The following ZNF577 variants were observed in gnomAD, a reference collection of about 807,000 sequenced individuals.
ZNF577 encodes the protein zinc finger protein 577.
A neutral mutation model predicts 13.9 loss-of-function variants in ZNF577; 14 were observed. The ratio of observed to expected loss-of-function variants is 1.00; its 90% CI spans 0.66 to 1.57. The LOEUF (loss-of-function observed/expected upper bound fraction) is 1.57, where lower values mean the gene tolerates loss of function less well. ZNF577 is among the 40% of genes most tolerant of loss of function. The pLI is 0.00. For synonymous variants in ZNF577, 203 were observed against 202.9 expected, an observed-to-expected ratio of 1.00 and a Z score of 0.00; for missense variants, 555 against 579.2, an observed-to-expected ratio of 0.96 and a Z score of 0.43.
chr19:51,823,695 G>C, intron 9 of ZNF577: 4 of 1,411,716 alleles, frequency 2.8e-6, no homozygotes, highest in Non-Finnish European at 3.9e-6. Flanking sequence ...TGTATTGTAA[G>C]ATGGTGTCAC....
chr19:51,838,514 A>G (rs2084300888), intron 9 of ZNF577, among the ~76,000 whole-genome samples: 1 of 149,266 alleles, frequency 6.7e-6, no homozygotes, highest in Non-Finnish European at 1.5e-5. Flanking sequence ...TAAAATAGCC[A>G]TTCTCCCTGG....
intron 9 of ZNF577, among the ~76,000 whole-genome samples, chr19:51,830,135 TAA>T (rs11299540): frequency 0.39 from 56,876 of 145,660 alleles, 11,214 homozygotes; most frequent in East Asian, 0.61. Context: ...TTCTAGTGTT[TAA>T]AAAAAAAAAA....
At chr19:51,833,226 A>T (rs554025492) in intron 9 of ZNF577, among the ~76,000 whole-genome samples, 11 of 151,478 alleles carry the variant, frequency 7.3e-5, no homozygotes, top group Non-Finnish European at 1.0e-4. Flanking sequence ...TTCCCCTCCT[A>T]CTCTGTGGCC....
chr19:51,810,687 GCA>G (rs2084090336), intron 10 of ZNF577, among the ~76,000 whole-genome samples: 1 of 152,158 alleles, frequency 6.6e-6, no homozygotes, highest in African/African-American at 2.4e-5. Context: ...AAGCAAGTTC[GCA>G]TCAAGTGTCT....
intron 5 of ZNF577, chr19:51,856,039 A>T (rs1405925400): frequency 6.6e-6 from 1 of 152,038 alleles, no homozygotes; most frequent in Non-Finnish European, 1.5e-5. Flanking sequence ...GAGGTTCAAA[A>T]TTTTTTTCTT....
intron 9 of ZNF577, among the ~76,000 whole-genome samples, chr19:51,833,316 C>T (rs1001253065): frequency 2.0e-5 from 3 of 152,136 alleles, no homozygotes; most frequent in African/African-American, 7.2e-5. Context: ...GATTACAATG[C>T]TATACTACCT....
At chr19:51,876,581 C>T (rs893081803) in intron 5 of ZNF577, among the ~76,000 whole-genome samples, 1 of 151,962 alleles carries the variant, frequency 6.6e-6, no homozygotes, top group Non-Finnish European at 1.5e-5. Flanking sequence ...TGAAGGAAAT[C>T]AGGCCTTTCC....
At chr19:51,886,695 C>T (rs186751060) in intron 1 of ZNF577, 126 bp downstream of exon 1, 60 of 152,208 alleles carry the variant, frequency 3.9e-4, no homozygotes, top group Admixed American at 1.0e-3. Context: ...TACTACGTAC[C>T]TAGTACTACA....
At chr19:51,857,369 A>AGAAAGAAAGAAG (rs1568442109) in intron 5 of ZNF577, among the ~76,000 whole-genome samples, 1 of 61,710 alleles carries the variant, frequency 1.6e-5, no homozygotes, top group African/African-American at 8.1e-5. Flanking sequence ...AAGGAAGGAA[A>AGAAAGAAAGAAG]GAAAGAAAGA....
In ZNF577 at chr19:51,824,800, A is replaced by T; in HGVS notation, c.*600-13126T>A. 6.2e-7 allele frequency: 1 copy of T among 1,608,444 alleles called. No individual in the cohort carries two copies. Among genetic ancestry groups the T allele is most frequent in the African/African-American group, 1.3e-5 (1 of 74,874 alleles). On this transcript the variant is annotated intron_variant and NMD_transcript_variant, in intron 9 of 10. Transcript: ENST00000638827. The surrounding 1 kb of genome is among the most constrained non-coding windows in gnomAD (Gnocchi z 4.7). Reference sequence around the variant, plus strand: ...TCACCTCCTGAGGAGACGGAGTTACAAGCAATGTGAGGTCGGGGATATTTT... The same window carrying T: ...TCACCTCCTGAGGAGACGGAGTTACTAGCAATGTGAGGTCGGGGATATTTT...
chr19:51,850,057 G>C (rs1011844508), intron 5 of ZNF577, among the ~76,000 whole-genome samples: 2 of 152,232 alleles, frequency 1.3e-5, no homozygotes, highest in African/African-American at 2.4e-5. Context: ...GATGGGGAGA[G>C]AAGGGTTGAC....
Position 51,867,742 on chromosome 19 carries a change from G to A in ZNF577, c.*4790C>T, listed in dbSNP as rs998835564. Among the ~76,000 whole-genome samples the A allele has an allele frequency of 1.3e-5, 2 of 151,988 alleles. No individual in the cohort carries two copies. Among genetic ancestry groups the A allele is most frequent in the Non-Finnish European group, 2.9e-5 (2 of 68,006 alleles). On this transcript the variant is annotated 3_prime_UTR_variant, in exon 6 of 6. Transcript: ENST00000638348. Reference sequence around the variant, plus strand: ...GGAGGTTGCAGTGACCCACGATTACGCCACTGCACTCCAGCCTGGGCAAAA... The same window carrying A: ...GGAGGTTGCAGTGACCCACGATTACACCACTGCACTCCAGCCTGGGCAAAA...
At chr19:51,865,868 G>A (rs987501440), downstream of ZNF577, among the ~76,000 whole-genome samples, 1 of 152,172 alleles carries the variant, frequency 6.6e-6, no homozygotes, top group African/African-American at 2.4e-5. Flanking sequence ...TGTAATCCCA[G>A]CACTTTGGGA....
intron 5 of ZNF577, among the ~76,000 whole-genome samples, chr19:51,854,796 T>G (rs2084401650): frequency 6.6e-6 from 1 of 152,140 alleles, no homozygotes; most frequent in Admixed American, 6.5e-5. Context: ...AAGTATACCA[T>G]ATGTTTCTAA....
At position 51,823,796 on chromosome 19, in the gene ZNF577, C is replaced by A. The variant is rs763361125; in HGVS notation, c.*600-12122G>T. ...CTCTGAATGAAACTGAGGAGGTGCT[C>A]CCTGAGCCTGCTGGCCACACCGTTC... On this transcript the variant is annotated intron_variant and NMD_transcript_variant, in intron 9 of 10. Transcript: ENST00000638827. 3.1e-6 allele frequency: 5 copies of A among 1,612,256 alleles called. No individual in the cohort carries two copies. The South Asian group carries it at 5.5e-5, about 18-fold the overall frequency.
Position 51,872,961 on chromosome 19 carries a change from C to T in ZNF577, c.1029G>A (p.Gln343=), listed in dbSNP as rs1453238342. 1.2e-6 allele frequency: 2 copies of T among 1,614,066 alleles called. No individual in the cohort carries two copies. The highest frequency in any genetic ancestry group is 1.7e-6 in the Non-Finnish European group (2 of 1,180,048). ...KAFRSKSKLI[Q]HQRTHTGERP... is the part of the protein sequence containing the mutation. ...TCTCTCCAGTGTGAGTACGCTGATG[C>T]TGAATGAGCTTCGACTTGCTTCTAA... The change falls in exon 6 of 6, where the codon CAG becomes CAA. Residue 343 remains glutamine (Q), a synonymous_variant. Transcript: ENST00000638348.
At chr19:51,820,969 T>C (rs542021440) in intron 9 of ZNF577, among the ~76,000 whole-genome samples, 2 of 152,314 alleles carry the variant, frequency 1.3e-5, no homozygotes, top group South Asian at 2.1e-4. Context: ...GTGAGTAATG[T>C]TCATAAGTAG....
rs1450088921 is a variant in ZNF577, at chr19:51,872,384, C to G, written c.*148G>C. 3.2e-6 allele frequency: 2 copies of G among 630,566 alleles called. No homozygotes were observed. Among genetic ancestry groups the G allele is most frequent in the African/African-American group, 3.7e-5 (2 of 54,110 alleles). 39.1% of individuals were successfully genotyped at this position (630,566 alleles called of 1,614,324 possible). A position where few individuals can be genotyped will look rare whatever the true frequency, so the allele number is the denominator to read the frequency against. On this transcript the variant is annotated 3_prime_UTR_variant, in exon 6 of 6. Transcript: ENST00000638348. ...GCTGCATTTCTACCCAACATGATTT[C>G]AATGGTGTTTAACAGGTTTGACTTC...
intron 10 of ZNF577, among the ~76,000 whole-genome samples, chr19:51,809,308 G>A (rs1269115720): frequency 6.6e-6 from 1 of 152,202 alleles, no homozygotes; most frequent in Admixed American, 6.5e-5. Context: ...ACTCCCACTA[G>A]GGATGTAGAA....
Sources: allele counts gnomAD v4.1 joint callset (sites outside exome capture counted in the v4.1 genomes callset), GRCh38; gene constraint gnomAD v4.1.1; non-coding constraint Gnocchi (gnomAD v3.1); transcripts MANE v1.5; gene names NCBI Gene and HGNC (gene_info 2026-07-23, HGNC 2026-07-21).